The following FBXL7 variants were observed in gnomAD, a reference collection of about 807,000 sequenced individuals.
FBXL7 encodes the protein F-box/LRR-repeat protein 7.
FBXL7 carries 12 observed loss-of-function variants against 38.3 expected under a neutral mutation model. The observed-to-expected ratio is 0.31, with a 90% CI of 0.20 to 0.51. FBXL7 has a LOEUF of 0.51. Among genes scored for constraint, FBXL7 ranks in the 20% least tolerant of loss-of-function variants. The probability of loss-of-function intolerance (pLI) is 0.98; values close to 1 mark genes in which losing one functional copy is unlikely to be tolerated. For missense variants in FBXL7, 567 were observed against 676.4 expected, an observed-to-expected ratio of 0.84 and a Z score of 1.79; for synonymous variants, 297 against 300.9, an observed-to-expected ratio of 0.99 and a Z score of 0.13.
chr5:15,724,321 C>G (rs1744282192), intron 2 of FBXL7, among the ~76,000 whole-genome samples: 1 of 151,984 alleles, frequency 6.6e-6, no homozygotes, highest in Non-Finnish European at 1.5e-5. Flanking sequence ...TTTAATATTT[C>G]TTTTTACTAA....
intron 2 of FBXL7, among the ~76,000 whole-genome samples, chr5:15,678,056 A>G (rs949827308): frequency 6.6e-6 from 1 of 152,120 alleles, no homozygotes; most frequent in Non-Finnish European, 1.5e-5. Flanking sequence ...TGTCTCCTGC[A>G]TGGGAAATGA....
At chr5:15,739,257 CTGCCTCTTGCCCTTCAGA>C (rs569007271) in intron 2 of FBXL7, among the ~76,000 whole-genome samples, 15 of 152,080 alleles carry the variant, frequency 9.9e-5, no homozygotes, top group East Asian at 1.9e-4. Flanking sequence ...GCCCTTGATT[CTGCCTCTTGCCCTTCAGA>C]TGCCTCTTGC....
intron 2 of FBXL7, among the ~76,000 whole-genome samples, chr5:15,763,088 C>T (rs980284847): frequency 6.6e-6 from 1 of 152,130 alleles, no homozygotes; most frequent in Non-Finnish European, 1.5e-5. Context: ...CCTTCCATCT[C>T]CCAAAATTTT....
At chr5:15,613,957 G>C (rs1740350444) in intron 1 of FBXL7, among the ~76,000 whole-genome samples, 1 of 152,114 alleles carries the variant, frequency 6.6e-6, no homozygotes, top group Non-Finnish European at 1.5e-5. Context: ...TCCTCACGTG[G>C]CAGAAGGGGG....
chr5:15,531,053 A>G (rs1253941016), intron 1 of FBXL7, among the ~76,000 whole-genome samples: 1 of 152,230 alleles, frequency 6.6e-6, no homozygotes, highest in Non-Finnish European at 1.5e-5. Flanking sequence ...ACACATTGGA[A>G]AAGAATCAAA....
At chr5:15,918,074 A>C (rs1213463173) in intron 2 of FBXL7, among the ~76,000 whole-genome samples, 1 of 152,040 alleles carries the variant, frequency 6.6e-6, no homozygotes, top group Non-Finnish European at 1.5e-5. Context: ...CCCCATCTCT[A>C]CAAAAAATAC....
intron 1 of FBXL7, among the ~76,000 whole-genome samples, chr5:15,547,928 A>G (rs888517937): frequency 6.6e-6 from 1 of 152,174 alleles, no homozygotes; most frequent in African/African-American, 2.4e-5. Flanking sequence ...ACCTGCAGGC[A>G]TGGTTAGTTT....
chr5:15,684,363 G>A (rs1165277951), intron 2 of FBXL7, among the ~76,000 whole-genome samples: 4 of 152,142 alleles, frequency 2.6e-5, no homozygotes, highest in African/African-American at 9.7e-5. Context: ...GTAGGGTATG[G>A]GGGACACATA....
At chr5:15,881,855 GA>G (rs770978079) in intron 2 of FBXL7, among the ~76,000 whole-genome samples, 1 of 152,170 alleles carries the variant, frequency 6.6e-6, no homozygotes, top group Non-Finnish European at 1.5e-5. Flanking sequence ...AAATACCTGA[GA>G]TTGGGTAATT....
chr5:15,634,270 A>G (rs1202262168), intron 2 of FBXL7, among the ~76,000 whole-genome samples: 1 of 138,410 alleles, frequency 7.2e-6, no homozygotes, highest in African/African-American at 2.7e-5. Flanking sequence ...TTCATTTTCT[A>G]TTATTGCATA....
chr5:15,652,083 C>T (rs1372056462), intron 2 of FBXL7, among the ~76,000 whole-genome samples: 1 of 152,182 alleles, frequency 6.6e-6, no homozygotes, highest in African/African-American at 2.4e-5. Flanking sequence ...TCACTTCTCT[C>T]AATCTTCATA....
intron 2 of FBXL7, among the ~76,000 whole-genome samples, chr5:15,925,318 T>C (rs1024349093): frequency 3.9e-5 from 6 of 152,210 alleles, no homozygotes; most frequent in Non-Finnish European, 7.3e-5. Context: ...TTAAAGGAGA[T>C]GGCATTTGCA....
At chr5:15,573,563 G>GT (rs1738860398) in intron 1 of FBXL7, among the ~76,000 whole-genome samples, 1 of 152,152 alleles carries the variant, frequency 6.6e-6, no homozygotes, top group Non-Finnish European at 1.5e-5. Context: ...GCATCACTCA[G>GT]TTTTACAAAG....
chr5:15,630,910 A>G (rs878971679), intron 2 of FBXL7, among the ~76,000 whole-genome samples: 7 of 152,156 alleles, frequency 4.6e-5, no homozygotes, highest in Non-Finnish European at 2.9e-5. Context: ...TCTTTAAACA[A>G]TGAATAATAA....
At chr5:15,755,460 T>C (rs2126691247) in intron 2 of FBXL7, among the ~76,000 whole-genome samples, 1 of 152,272 alleles carries the variant, frequency 6.6e-6, no homozygotes, top group South Asian at 2.1e-4. Context: ...GTGTCTCCCA[T>C]ATACAGATAT....
At chr5:15,612,423 T>C (rs531206041) in intron 1 of FBXL7, among the ~76,000 whole-genome samples, 1 of 152,292 alleles carries the variant, frequency 6.6e-6, no homozygotes, top group South Asian at 2.1e-4. Context: ...CTTATACTCT[T>C]TCTTCATAAA....
At chr5:15,703,947 G>T (rs186817006) in intron 2 of FBXL7, among the ~76,000 whole-genome samples, 4 of 152,266 alleles carry the variant, frequency 2.6e-5, no homozygotes, top group Admixed American at 2.6e-4. Context: ...TCTAAGCAGG[G>T]TCACACTCAG....
chr5:15,610,229 CT>C (rs1740184882), intron 1 of FBXL7, among the ~76,000 whole-genome samples: 3 of 152,110 alleles, frequency 2.0e-5, no homozygotes, highest in Non-Finnish European at 2.9e-5. Flanking sequence ...CAAACCATAC[CT>C]TCTCCAACAC....
At chr5:15,546,751 TG>T (rs1737908472) in intron 1 of FBXL7, among the ~76,000 whole-genome samples, 1 of 152,054 alleles carries the variant, frequency 6.6e-6, no homozygotes, top group African/African-American at 2.4e-5. Context: ...CAAAAAAAAT[TG>T]CTTCTAGAAA....
Sources: gnomAD v4.1 joint callset for allele counts (sites outside exome capture counted in the v4.1 genomes callset) on GRCh38, gnomAD v4.1.1 for gene constraint, MANE v1.5 for transcripts, NCBI Gene and HGNC (gene_info 2026-07-23, HGNC 2026-07-21) for gene names.